Variants in DLG2 observed in about 807,000 individuals in gnomAD.
DLG2 encodes disks large homolog 2.
DLG2 carries 45 observed loss-of-function variants against 132.5 expected under a neutral mutation model. The ratio of observed to expected loss-of-function variants is 0.34; its 90% confidence interval spans 0.27 to 0.44. DLG2 has a LOEUF of 0.44. DLG2 is among the 20% of genes least tolerant of loss of function. The pLI, the probability that DLG2 is intolerant of heterozygous loss-of-function variation, is 1.00. For synonymous variants in DLG2, 424 were observed against 419.6 expected, an observed-to-expected ratio of 1.01 and a Z score of -0.13; for missense variants, 1,045 against 1,196.9, an observed-to-expected ratio of 0.87 and a Z score of 1.87.
chr11:84,978,785 A>C (rs2055298743), intron 6 of DLG2, among the ~76,000 whole-genome samples: 1 of 152,218 alleles, frequency 6.6e-6, no homozygotes, highest in African/African-American at 2.4e-5. Flanking sequence ...CACCAAAAGC[A>C]ATGGCAACAA....
chr11:84,066,498 G>A (rs1347521926), intron 10 of DLG2, among the ~76,000 whole-genome samples: 3 of 152,298 alleles, frequency 2.0e-5, no homozygotes, highest in African/African-American at 7.2e-5. Context: ...GATGGCTTAT[G>A]CCTATAATCC....
chr11:84,780,475 A>G (rs1472510059), intron 6 of DLG2, among the ~76,000 whole-genome samples: 1 of 152,130 alleles, frequency 6.6e-6, no homozygotes, highest in African/African-American at 2.4e-5. Context: ...GAACAAAGAT[A>G]TATTTCTCAG....
intron 4 of DLG2, among the ~76,000 whole-genome samples, chr11:85,226,112 T>C (rs2074958151): frequency 6.6e-6 from 1 of 151,746 alleles, no homozygotes; most frequent in Non-Finnish European, 1.5e-5. Flanking sequence ...TGCATATCCA[T>C]AGTGACATAA....
chr11:84,858,163 G>A (rs1444613397), intron 6 of DLG2, among the ~76,000 whole-genome samples: 2 of 152,064 alleles, frequency 1.3e-5, no homozygotes, highest in Non-Finnish European at 2.9e-5. Flanking sequence ...AAAGTGCTGG[G>A]ATTACAGGCG....
intron 3 of DLG2, among the ~76,000 whole-genome samples, chr11:85,400,281 A>T (rs2087918916): frequency 6.7e-6 from 1 of 148,484 alleles, no homozygotes. Flanking sequence ...GTCAGGAAAC[A>T]ACAGGTGCTG....
chr11:84,500,225 T>C (rs78940190), intron 7 of DLG2, among the ~76,000 whole-genome samples: 20 of 152,128 alleles, frequency 1.3e-4, no homozygotes, highest in African/African-American at 4.6e-4. Context: ...AAGAACATTC[T>C]CCTGTGAGCT....
intron 11 of DLG2, among the ~76,000 whole-genome samples, chr11:84,001,372 T>C (rs2094337410): frequency 1.3e-5 from 2 of 148,554 alleles, no homozygotes; most frequent in Non-Finnish European, 3.0e-5. Flanking sequence ...TATATAATGA[T>C]AATAGGGAAT....
chr11:84,464,844 T>C (rs2099089836), intron 7 of DLG2, among the ~76,000 whole-genome samples: 1 of 151,160 alleles, frequency 6.6e-6, no homozygotes, highest in African/African-American at 2.4e-5. Flanking sequence ...ATTAATGTTA[T>C]GTTGGGAATA....
intron 8 of DLG2, among the ~76,000 whole-genome samples, chr11:84,174,500 C>A (rs1412848480): frequency 6.6e-6 from 1 of 152,168 alleles, no homozygotes; most frequent in Non-Finnish European, 1.5e-5. Flanking sequence ...ACACCTCCTC[C>A]TTTTGGTATC....
intron 10 of DLG2, among the ~76,000 whole-genome samples, chr11:84,067,992 C>G (rs764330017): frequency 2.0e-5 from 3 of 152,044 alleles, no homozygotes; most frequent in Non-Finnish European, 4.4e-5. Context: ...GTTCACTTGT[C>G]AAGTCTGGCC....
intron 7 of DLG2, among the ~76,000 whole-genome samples, chr11:84,473,559 G>C (rs1380872601): frequency 6.6e-6 from 1 of 151,958 alleles, no homozygotes; most frequent in Non-Finnish European, 1.5e-5. Context: ...ACTTGGTAAT[G>C]TCATGTGAGC....
rs35921216 is a variant in DLG2, at chr11:84,062,736, AT to A, written c.750-3253del. Among the ~76,000 whole-genome samples, 737 of 149,230 alleles carry A rather than the reference AT, an allele frequency of 4.9e-3. 6 individuals carry two copies. Among genetic ancestry groups the A allele is most frequent in the African/African-American group, 0.017 (681 of 40,638 alleles). On this transcript the variant is annotated intron_variant, in intron 10 of 27. Coordinates refer to ENST00000376104, the MANE Select transcript of DLG2 (RefSeq NM_001142699.3). ...CAGACACTCAGAGTTGATTGTTTTAATTTTTTTTTTTAATGGTGGTGTTTGT... is the reference window on the plus strand; with the variant it reads ...CAGACACTCAGAGTTGATTGTTTTAATTTTTTTTTTAATGGTGGTGTTTGT...
At chr11:84,876,790 G>C (rs1418117158) in intron 6 of DLG2, among the ~76,000 whole-genome samples, 1 of 152,122 alleles carries the variant, frequency 6.6e-6, no homozygotes, top group Non-Finnish European at 1.5e-5. Flanking sequence ...GTTGAATTTA[G>C]ATCTTTCCTG....
intron 19 of DLG2, among the ~76,000 whole-genome samples, chr11:83,607,079 G>A (rs1404219143): frequency 6.6e-6 from 1 of 152,246 alleles, no homozygotes; most frequent in Non-Finnish European, 1.5e-5. Flanking sequence ...AAGATTTACA[G>A]ACAGGAAAAG....
intron 6 of DLG2, among the ~76,000 whole-genome samples, chr11:84,686,470 A>C (rs542056800): frequency 1.3e-5 from 2 of 152,214 alleles, no homozygotes; most frequent in African/African-American, 4.8e-5. Flanking sequence ...AGGACTTCTA[A>C]ACTAATCTGT....
At chr11:85,371,202 A>G (rs1285338263) in intron 3 of DLG2, among the ~76,000 whole-genome samples, 1 of 152,202 alleles carries the variant, frequency 6.6e-6, no homozygotes, top group Non-Finnish European at 1.5e-5. Flanking sequence ...TGAAGAGCTG[A>G]AATGTTCATG....
At chr11:83,586,290 A>C (rs992791336) in intron 19 of DLG2, among the ~76,000 whole-genome samples, 3 of 152,240 alleles carry the variant, frequency 2.0e-5, no homozygotes, top group South Asian at 2.1e-4. Context: ...CAACATAGGG[A>C]GAATCTTTTT....
At chr11:85,188,183 G>A (rs1482677697) in intron 4 of DLG2, among the ~76,000 whole-genome samples, 1 of 152,190 alleles carries the variant, frequency 6.6e-6, no homozygotes, top group East Asian at 1.9e-4. Flanking sequence ...AGATCCATCA[G>A]TAGAGGGTGG....
intron 6 of DLG2, among the ~76,000 whole-genome samples, chr11:84,788,558 G>C (rs2073314303): frequency 6.6e-6 from 1 of 151,736 alleles, no homozygotes; most frequent in Non-Finnish European, 1.5e-5. Context: ...GTATAATGTA[G>C]TTATAATACA....
Sources: gnomAD v4.1 joint callset for allele counts (sites outside exome capture counted in the v4.1 genomes callset) on GRCh38, gnomAD v4.1.1 for gene constraint, MANE v1.5 for transcripts, NCBI Gene and HGNC (gene_info 2026-07-23, HGNC 2026-07-21) for gene names.